Variants in NBL1 observed in about 807,000 individuals in gnomAD.
NBL1 encodes the protein NBL1, DAN family BMP antagonist.
Under a neutral mutation model 16.0 loss-of-function variants are expected in NBL1, and 9 were observed. That is an observed-to-expected ratio of 0.56 (90% CI 0.34 to 0.98). The LOEUF (loss-of-function observed/expected upper bound fraction) is 0.98. Among genes scored for constraint, NBL1 ranks in the 50% least tolerant of loss-of-function variants. The pLI is 0.02. For synonymous variants in NBL1, 86 were observed against 100.7 expected, an observed-to-expected ratio of 0.85 and a Z score of 0.87; for missense variants, 196 against 243.1, an observed-to-expected ratio of 0.81 and a Z score of 1.29.
rs539038673 is a variant in NBL1 at position 19,655,027 on chromosome 1, G to A, written c.-4G>A. ...TCCGTTCTAGGGCTCTGGAGGCCAC[G>A]GGCATGATGCTTCGGGTCCTGGTGG... On this transcript the variant is annotated 5_prime_UTR_variant, in exon 2 of 4. Transcript: ENST00000375136. 131 of 1,604,456 alleles carry A rather than the reference G, an allele frequency of 8.2e-5. 1 individual carries two copies. The highest frequency in any genetic ancestry group is 4.1e-4 in the Middle Eastern group (2 of 4,836).
chr1:19,643,622 A>T, upstream of NBL1: 1 of 1,362,544 alleles, frequency 7.3e-7, no homozygotes, highest in South Asian at 1.6e-5. The surrounding 1 kb of genome is among the most constrained non-coding windows in gnomAD (Gnocchi z 4.7). Context: ...CAGGAGTCAG[A>T]GAAGTGAGTT....
intron 1 of NBL1, chr1:19,646,121 G>C (rs2094978652): frequency 1.4e-6 from 2 of 1,447,230 alleles, no homozygotes; most frequent in African/African-American, 2.8e-5. Context: ...GCACGGGGTC[G>C]GCCCTGTGTG....
At chr1:19,648,268 C>T (rs1048689674) in intron 1 of NBL1, among the ~76,000 whole-genome samples, 2 of 152,112 alleles carry the variant, frequency 1.3e-5, no homozygotes, top group African/African-American at 4.8e-5. Flanking sequence ...TTCCAGGTAC[C>T]GGAATCCAGG....
intron 1 of NBL1, chr1:19,645,950 G>T (rs1271674303): frequency 1.9e-6 from 3 of 1,550,402 alleles, no homozygotes; most frequent in Admixed American, 2.0e-5. Context: ...CTGCTGAGCA[G>T]ATGTGCAGCC....
chr1:19,647,870 T>C (rs1350757865), intron 1 of NBL1, among the ~76,000 whole-genome samples: 1 of 147,492 alleles, frequency 6.8e-6, no homozygotes, highest in Non-Finnish European at 1.5e-5. Context: ...TGTGTGCGTG[T>C]GTGTGTGTGT....
intron 1 of NBL1, among the ~76,000 whole-genome samples, chr1:19,648,858 G>A (rs1006001323): frequency 5.3e-5 from 8 of 152,106 alleles, no homozygotes; most frequent in South Asian, 2.1e-4. Flanking sequence ...AGGGAGGATC[G>A]TGTCACACAT....
chr1:19,656,501 C>CAGGGG (rs1257238274), intron 3 of NBL1, among the ~76,000 whole-genome samples: 4 of 150,666 alleles, frequency 2.7e-5, no homozygotes, highest in Admixed American at 2.6e-4. Context: ...GGTGCAGGGT[C>CAGGGG]AGGGGTAGGG....
At chr1:19,649,450 C>T (rs2095008480) in intron 1 of NBL1, among the ~76,000 whole-genome samples, 1 of 152,022 alleles carries the variant, frequency 6.6e-6, no homozygotes, top group African/African-American at 2.4e-5. Context: ...CCTCTGCCTC[C>T]CGGGTTCAAG....
intron 1 of NBL1, among the ~76,000 whole-genome samples, chr1:19,649,579 G>A (rs1038772987): frequency 1.3e-5 from 2 of 151,936 alleles, no homozygotes; most frequent in Non-Finnish European, 2.9e-5. Flanking sequence ...GGCTGGTCTC[G>A]AACTCCTGAC....
At chr1:19,643,401 A>C (rs1308258968), upstream of NBL1, 4 of 1,613,490 alleles carry the variant, frequency 2.5e-6, no homozygotes, top group Admixed American at 6.7e-5. The surrounding 1 kb of genome is among the most constrained non-coding windows in gnomAD (Gnocchi z 4.7). Context: ...GACACAGGTA[A>C]CTATGCTGTA....
At position 19,657,089 on chromosome 1, in the gene NBL1, CT is replaced by C; in HGVS notation, c.507del (p.Ala171ProfsTer39). 2 of 1,516,550 alleles carry C rather than the reference CT, an allele frequency of 1.3e-6. No individual in the cohort carries two copies. Among genetic ancestry groups the C allele is most frequent in the Non-Finnish European group, 1.8e-6 (2 of 1,125,808 alleles). The allele number at this position is 1,516,550 out of a possible 1,614,324, so 93.9% of individuals were successfully genotyped here. On this transcript the variant is annotated frameshift_variant, in exon 4 of 4. Transcript: ENST00000375136. LOFTEE classifies it high-confidence loss of function. ...CAGACCCCTGAGCCCGAGGACCCCC[CT>C]GGGGCCCCCCACACAGAGGAAGAGG... is the stretch of plus-strand genomic sequence containing the variant. ...GGQTPEPEDP[P>X]GAPHTEEEGA...
At position 19,652,205 on chromosome 1, in the gene NBL1, C is replaced by T. The variant is rs192304668; in HGVS notation, c.-19-2807C>T. 2.0e-4 allele frequency among the ~76,000 whole-genome samples: 31 copies of T among 152,276 alleles called. 1 individual carries two copies. Among genetic ancestry groups the T allele is most frequent in the Admixed American group, 2.0e-3 (31 of 15,298 alleles). ...GGACCTCTCCTAAGGGTCTAGGGGG[C>T]CAGTCCAGCCCAGGGAGCCCTGGCC... On this transcript the variant is annotated intron_variant, in intron 1 of 3. Transcript: ENST00000375136.
intron 1 of NBL1, among the ~76,000 whole-genome samples, chr1:19,648,892 C>G (rs1399285519): frequency 6.6e-6 from 1 of 152,122 alleles, no homozygotes; most frequent in Non-Finnish European, 1.5e-5. Context: ...CTCCAAGAGC[C>G]AGGGTCAGCC....
upstream of NBL1, chr1:19,643,600 C>T (rs1419425223): frequency 7.2e-7 from 1 of 1,396,934 alleles, no homozygotes. This position sits in a 1 kb window ranked among gnomAD's most constrained non-coding sequence, Gnocchi z 4.7. Flanking sequence ...GGGCCAGGAG[C>T]TCCACTCTTC....
At chr1:19,656,599 G>A (rs74652341) in intron 3 of NBL1, among the ~76,000 whole-genome samples, 1 of 151,956 alleles carries the variant, frequency 6.6e-6, no homozygotes, top group African/African-American at 2.4e-5. Context: ...GATCGCGGCG[G>A]TGGGGGCGAT....
chr1:19,647,847 C>T (rs1486831702), intron 1 of NBL1, among the ~76,000 whole-genome samples: 1 of 147,612 alleles, frequency 6.8e-6, no homozygotes, highest in Non-Finnish European at 1.5e-5. Flanking sequence ...ACAGGAAAGG[C>T]CTGGTGTGTG....
chr1:19,648,004 T>C (rs2094994845), intron 1 of NBL1, among the ~76,000 whole-genome samples: 1 of 152,122 alleles, frequency 6.6e-6, no homozygotes, highest in Admixed American at 6.5e-5. Flanking sequence ...GTTTGGGGTA[T>C]GCCTGCTTTT....
chr1:19,649,932 A>C (rs1001979794), intron 1 of NBL1, among the ~76,000 whole-genome samples: 2 of 151,854 alleles, frequency 1.3e-5, no homozygotes, highest in African/African-American at 4.9e-5. Context: ...AAGTGCTGGG[A>C]TTACAGGTGT....
In NBL1 at chr1:19,655,134, G is replaced by A; in HGVS notation, c.104G>A (p.Cys35Tyr). The A allele has an allele frequency of 6.2e-7, 1 of 1,611,724 alleles. No individual in the cohort carries two copies. Among genetic ancestry groups the A allele is most frequent in the Middle Eastern group, 1.7e-4 (1 of 6,008 alleles). ...CTGTTCCCAGATAAGAGTGCCTGGT[G>A]CGAAGCCAAGAACATCACCCAGATC... The part of the protein sequence containing the change: ...LALFPDKSAW[C>Y]EAKNITQIVG... Residue 35 changes from cysteine to tyrosine, a missense_variant, in exon 2 of 4, where the codon TGC becomes TAC. Transcript: ENST00000375136.
Sources: gnomAD v4.1 joint callset for allele counts (sites outside exome capture counted in the v4.1 genomes callset) on GRCh38, gnomAD v4.1.1 for gene constraint, Gnocchi (gnomAD v3.1) non-coding constraint, MANE v1.5 for transcripts, NCBI Gene and HGNC (gene_info 2026-07-23, HGNC 2026-07-21) for gene names.